TMEM151B: variants seen among roughly 807,000 people sequenced by gnomAD.
TMEM151B encodes transmembrane protein 151B.
Under a neutral mutation model 33.0 loss-of-function variants are expected in TMEM151B, and 18 were observed. That is an observed-to-expected ratio of 0.55 (90% confidence interval 0.38 to 0.81). TMEM151B has a LOEUF of 0.81. Among genes scored for constraint, TMEM151B ranks in the 30% least tolerant of loss-of-function variants. The pLI, the probability that TMEM151B is intolerant of heterozygous loss-of-function variation, is 0.00. For synonymous variants in TMEM151B, 354 were observed against 373.6 expected (o/e 0.95, Z 0.61); for missense variants, 672 against 843.4 (o/e 0.80, Z 2.52).
chr6:44,273,180 G>A lies in TMEM151B; in HGVS notation c.250G>A (p.Val84Ile), dbSNP rs372498812. 15 of 1,547,700 alleles carry A rather than the reference G, an allele frequency of 9.7e-6. No homozygotes were observed. The highest frequency in any genetic ancestry group is 2.0e-5 in the Admixed American group (1 of 50,918). ...GCLGAVAWCH[V>I]TTVTRLTFSS... The stretch of plus-strand genomic sequence containing the variant: ...CCTGGGGGCAGTGGCCTGGTGCCAC[G>A]TCACCACAGTGACGCGCCTCACCTT... Residue 84 changes from valine to isoleucine, a missense_variant, in exon 2 of 3, where the codon GTC becomes ATC. Transcript: ENST00000451188.
intron 1 of TMEM151B, among the ~76,000 whole-genome samples, chr6:44,271,118 G>C (rs1417691574): frequency 1.3e-5 from 2 of 151,596 alleles, no homozygotes; most frequent in African/African-American, 4.8e-5. Context: ...GGGGCCTAGG[G>C]GCGGAGCCTC....
chr6:44,278,569 C>A lies in TMEM151B; in HGVS notation c.*2042C>A, dbSNP rs1016564407. ...CCTCAGGGCTCCAAGGAAGGAGGAA[C>A]GTGGCTCCTCCTCCCTCAGGCCTGT... On this transcript the variant is annotated 3_prime_UTR_variant, in exon 3 of 3. Transcript: ENST00000451188. 2 of 152,200 alleles carry A rather than the reference C, an allele frequency of 1.3e-5. No homozygotes were observed. The highest frequency in any genetic ancestry group is 2.9e-5 in the Non-Finnish European group (2 of 68,042). The allele number at this position is 152,200 out of a possible 1,614,324, so 9.4% of individuals were successfully genotyped here.
chr6:44,275,388 C>T lies in TMEM151B; in HGVS notation c.577-15C>T, dbSNP rs1262683216. The stretch of plus-strand genomic sequence containing the variant: ...GGGCTCCCCGCGACCCCGCCGCCTG[C>T]CCCCCGCGCCGCAGGTCTACCACGA... On this transcript the variant is annotated splice_polypyrimidine_tract_variant and intron_variant, in intron 2 of 2. Coordinates refer to ENST00000451188, the MANE Select transcript of TMEM151B (RefSeq NM_001137560.2). The T allele has an allele frequency of 6.8e-6, 10 of 1,481,438 alleles. No homozygotes were observed. The highest frequency in any genetic ancestry group is 2.2e-4 in the Middle Eastern group (1 of 4,598). The allele number at this position is 1,481,438 out of a possible 1,614,324, so 91.8% of individuals were successfully genotyped here.
rs1260162116 is a variant in TMEM151B, at chr6:44,278,893, A to ACACC, written c.*2367_*2368insACCC. The ACACC allele has an allele frequency of 1.7e-4, 26 of 149,578 alleles. No homozygotes were observed. The highest frequency in any genetic ancestry group is 6.4e-4 in the South Asian group (3 of 4,708). 9.3% of individuals were successfully genotyped at this position (149,578 alleles called of 1,614,324 possible). A position where few individuals can be genotyped will look rare whatever the true frequency, so the allele number is the denominator to read the frequency against. On this transcript the variant is annotated 3_prime_UTR_variant, in exon 3 of 3. Coordinates refer to ENST00000451188, the MANE Select transcript of TMEM151B (RefSeq NM_001137560.2). ...TATACACACACACACACACACACACACCCTCACACCTACACGTTTGCACTC... is the reference window on the plus strand; with the variant it reads ...TATACACACACACACACACACACACACACCCCCTCACACCTACACGTTTGCACTC...
rs933901576 is a variant in TMEM151B at position 44,278,300 on chromosome 6, G to A, written c.*1773G>A. ...AGGAGGGAGAAGAGGCTAGAGAGAG[G>A]GAGGCTTGGGCAGGGGAAACAGCTG... is the stretch of plus-strand genomic sequence containing the variant. On this transcript the variant is annotated 3_prime_UTR_variant, in exon 3 of 3. Coordinates refer to ENST00000451188, the MANE Select transcript of TMEM151B (RefSeq NM_001137560.2). 1 of 155,028 alleles carries A rather than the reference G, an allele frequency of 6.5e-6. No homozygotes were observed. Among genetic ancestry groups the A allele is most frequent in the Non-Finnish European group, 1.5e-5 (1 of 68,432 alleles). The allele number at this position is 155,028 out of a possible 1,614,324, so 9.6% of individuals were successfully genotyped here. A position where few individuals can be genotyped will look rare whatever the true frequency, so the allele number is the denominator to read the frequency against.
In TMEM151B at chr6:44,276,719, G is replaced by A. The variant is rs1673070968; in HGVS notation, c.*192G>A. 8.6e-7 allele frequency: 1 copy of A among 1,165,414 alleles called. No individual in the cohort carries two copies. Among genetic ancestry groups the A allele is most frequent in the Non-Finnish European group, 1.1e-6 (1 of 927,502 alleles). 72.2% of individuals were successfully genotyped at this position (1,165,414 alleles called of 1,614,324 possible). On this transcript the variant is annotated 3_prime_UTR_variant, in exon 3 of 3. Transcript: ENST00000451188. Reference sequence around the variant, plus strand: ...GTCCCTGTACATAAAGAGACCGATGGGTGGGAGGGGGTCGGCTGCTCCCCG... The same window carrying A: ...GTCCCTGTACATAAAGAGACCGATGAGTGGGAGGGGGTCGGCTGCTCCCCG...
chr6:44,271,364 T>TG (rs1187336329), intron 1 of TMEM151B, among the ~76,000 whole-genome samples: 3 of 40,372 alleles, frequency 7.4e-5, no homozygotes, highest in African/African-American at 5.3e-4. Flanking sequence ...TGTGTGTGTG[T>TG]GTGTGGGGGG....
In TMEM151B at chr6:44,276,176, C is replaced by T. The variant is rs547205355; in HGVS notation, c.1350C>T (p.Ala450=). 8.4e-6 allele frequency: 11 copies of T among 1,303,318 alleles called. No individual in the cohort carries two copies. In the African/African-American group the frequency reaches 1.7e-4, roughly 20 times the overall value. The allele number at this position is 1,303,318 out of a possible 1,614,324, so 80.7% of individuals were successfully genotyped here. The change falls in exon 3 of 3, where the codon GCC becomes GCT. Residue 450 remains alanine, a synonymous_variant. Coordinates refer to ENST00000451188, the MANE Select transcript of TMEM151B (RefSeq NM_001137560.2). The part of the protein sequence containing the change: ...VSSSSIFSRS[A]LSICASPRAG... ...GCTCGTCTATCTTCTCGCGCAGCGCCCTAAGCATCTGCGCCAGCCCGCGGG... is the reference window on the plus strand; with the variant it reads ...GCTCGTCTATCTTCTCGCGCAGCGCTCTAAGCATCTGCGCCAGCCCGCGGG...
At chr6:44,272,026 G>A (rs1195203287) in intron 1 of TMEM151B, among the ~76,000 whole-genome samples, 1 of 152,082 alleles carries the variant, frequency 6.6e-6, no homozygotes, top group Non-Finnish European at 1.5e-5. Context: ...CCAGCACCAT[G>A]GTAGGCACCT....
At chr6:44,271,363 GTGT>G (rs1402893062) in intron 1 of TMEM151B, among the ~76,000 whole-genome samples, 5 of 70,064 alleles carry the variant, frequency 7.1e-5, no homozygotes, top group South Asian at 4.4e-4. Context: ...GTGTGTGTGT[GTGT>G]GTGGGGGGGG....
chr6:44,271,154 G>C (rs1458142857), intron 1 of TMEM151B, among the ~76,000 whole-genome samples: 1 of 151,810 alleles, frequency 6.6e-6, no homozygotes, highest in Non-Finnish European at 1.5e-5. Context: ...ATGAGAGTGG[G>C]GGCTATGCTC....
chr6:44,272,270 C>T (rs1561917032), intron 1 of TMEM151B, among the ~76,000 whole-genome samples: 1 of 152,144 alleles, frequency 6.6e-6, no homozygotes, highest in Admixed American at 6.5e-5. Context: ...CAGCCACATG[C>T]CTCTGCCCTT....
rs1221994424 is a variant in TMEM151B, at chr6:44,277,501, T to G, written c.*974T>G. The G allele has an allele frequency of 6.6e-6, 1 of 151,742 alleles. No individual in the cohort carries two copies. The highest frequency in any genetic ancestry group is 1.5e-5 in the Non-Finnish European group (1 of 68,116). The allele number at this position is 151,742 out of a possible 1,614,324, so 9.4% of individuals were successfully genotyped here. A position where few individuals can be genotyped will look rare whatever the true frequency, so the allele number is the denominator to read the frequency against. Reference sequence around the variant, plus strand: ...GGGGACCTCTGGAAGCAGGTGGGAGTAAGAGAGGAGAGGGCAGTGGAGGGT... The same window carrying G: ...GGGGACCTCTGGAAGCAGGTGGGAGGAAGAGAGGAGAGGGCAGTGGAGGGT... On this transcript the variant is annotated 3_prime_UTR_variant, in exon 3 of 3. Transcript: ENST00000451188.
Position 44,276,086 on chromosome 6 carries a change from CCCGGGCGCG to C in TMEM151B, c.1261_1269del (p.Pro421_Ala423del). On this transcript the variant is annotated inframe_deletion, in exon 3 of 3. Transcript: ENST00000451188. ...CGTGCCGCTACGGTGGGGTAGGCGG[CCCGGGCGCG>C]GCGGGCGTGGCTCCCTACCGGCGCA... 7.6e-7 allele frequency: 1 copy of C among 1,322,552 alleles called. No homozygotes were observed. 81.9% of individuals were successfully genotyped at this position (1,322,552 alleles called of 1,614,324 possible). A position where few individuals can be genotyped will look rare whatever the true frequency, so the allele number is the denominator to read the frequency against.
rs1281964688 is a variant in TMEM151B, at chr6:44,275,940, G to C, written c.1114G>C (p.Glu372Gln). 1.3e-6 allele frequency: 2 copies of C among 1,491,036 alleles called. No homozygotes were observed. The highest frequency in any genetic ancestry group is 1.8e-6 in the Non-Finnish European group (2 of 1,115,564). 92.4% of individuals were successfully genotyped at this position (1,491,036 alleles called of 1,614,324 possible). A position where few individuals can be genotyped will look rare whatever the true frequency, so the allele number is the denominator to read the frequency against. ...GCGGGTCAACACAGTAGACAGCACG[G>C]AGCTCGAGTGGCACATCCGCTCCAA... is the stretch of plus-strand genomic sequence containing the variant. ...LPRVNTVDST[E>Q]LEWHIRSNQQ... The change falls in exon 3 of 3, where the codon GAG (glutamate) becomes CAG (glutamine). Residue 372 changes from glutamate (E) to glutamine (Q), a missense_variant. By Grantham distance (29) the Glu-to-Gln change is conservative. This residue lies in a region of TMEM151B where 324 missense variants were observed against 363.1 expected (regional missense o/e 0.89). Coordinates refer to ENST00000451188, the MANE Select transcript of TMEM151B (RefSeq NM_001137560.2).
chr6:44,270,813 T>C lies in TMEM151B; in HGVS notation c.71T>C (p.Val24Ala). 8.9e-7 allele frequency: 1 copy of C among 1,118,654 alleles called. No homozygotes were observed. Among genetic ancestry groups the C allele is most frequent in the Admixed American group, 5.1e-5 (1 of 19,622 alleles). 69.3% of individuals were successfully genotyped at this position (1,118,654 alleles called of 1,614,324 possible). ...GGGGGGGGPG[V>A]SEELTAAAAA... ...GGCGGCGGCGGTGGCGGCCCCGGGG[T>C]CTCGGAGGAGCTCACGGCGGCGGCG... Residue 24 changes from valine (V) to alanine (A), a missense_variant, in exon 1 of 3, where the codon GTC (valine) becomes GCC (alanine). Val to Ala is a moderately conservative substitution (Grantham distance 64, BLOSUM62 0). This residue lies in a region of TMEM151B where 63 missense variants were observed against 57.2 expected (regional missense o/e 1.10). Transcript: ENST00000451188.
Position 44,276,882 on chromosome 6 carries a change from G to A in TMEM151B, c.*355G>A. On this transcript the variant is annotated 3_prime_UTR_variant, in exon 3 of 3. Transcript: ENST00000451188. ...GGCCCCGCGTTGGGCCTTGTCTGAA[G>A]GGAGAGGCCCTGGCATGCGGATGGG... 1 of 211,840 alleles carries A rather than the reference G, an allele frequency of 4.7e-6. No individual in the cohort carries two copies. The highest frequency in any genetic ancestry group is 9.2e-6 in the Non-Finnish European group (1 of 108,422). The allele number at this position is 211,840 out of a possible 1,614,324, so 13.1% of individuals were successfully genotyped here.
rs748523273 is a variant in TMEM151B, at chr6:44,273,357, C to G, written c.427C>G (p.Arg143Gly). The G allele has an allele frequency of 6.4e-6, 10 of 1,551,622 alleles. No homozygotes were observed. The highest frequency in any genetic ancestry group is 8.7e-6 in the Non-Finnish European group (10 of 1,147,012). ...CCAAGCCCGCCATGAGCTGCAGCAC[C>G]GTGTTGATGTGAGCAGTGTGCGGGA... ...HCQARHELQH[R>G]VDVSSVRERV... The change falls in exon 2 of 3, where the codon CGT becomes GGT. Residue 143 changes from arginine to glycine, a missense_variant. Around this residue, in one of 3 missense-constraint regions of TMEM151B, gnomAD observed 285 missense variants for 423.1 expected, o/e 0.67. Transcript: ENST00000451188.
At chr6:44,273,830 G>A (rs1171974457) in intron 2 of TMEM151B, among the ~76,000 whole-genome samples, 1 of 152,248 alleles carries the variant, frequency 6.6e-6, no homozygotes, top group Admixed American at 6.5e-5. Flanking sequence ...TGTGTCTAAG[G>A]TCAAATAGGC....
Sources: allele counts gnomAD v4.1 joint callset (sites outside exome capture counted in the v4.1 genomes callset), GRCh38; gene constraint gnomAD v4.1.1; regional missense constraint gnomAD v4.1.1; transcripts MANE v1.5; gene names NCBI Gene and HGNC (gene_info 2026-07-23, HGNC 2026-07-21).